Variants in SUCLG2 observed in about 807,000 individuals in gnomAD.
SUCLG2 encodes the protein succinate-CoA ligase GDP-forming subunit beta.
SUCLG2 carries 42 observed loss-of-function variants against 47.9 expected under a neutral mutation model. The ratio of observed to expected loss-of-function variants is 0.88; its 90% CI spans 0.69 to 1.14. The LOEUF (loss-of-function observed/expected upper bound fraction) is 1.14. Among genes scored for constraint, SUCLG2 ranks in the 50% most tolerant of loss-of-function variants. The pLI, the probability that SUCLG2 is intolerant of heterozygous loss-of-function variation, is 0.00. For synonymous variants in SUCLG2, 195 were observed against 197.3 expected (o/e 0.99, Z 0.10); for missense variants, 571 against 525.9 (o/e 1.09, Z -0.84).
At chr3:67,436,501 A>T (rs1468377565) in intron 9 of SUCLG2, among the ~76,000 whole-genome samples, 2 of 152,216 alleles carry the variant, frequency 1.3e-5, no homozygotes, top group African/African-American at 4.8e-5. Flanking sequence ...TAGCCAAACA[A>T]GACCAACGAT....
Position 67,538,429 on chromosome 3 carries a change from C to T in SUCLG2, c.227-9243G>A, listed in dbSNP as rs767610768. ...CTCTGTTGGTCTATATCTCTGTTTT[C>T]GTACCAGTACCATGCTGTTTTGGTT... On this transcript the variant is annotated intron_variant, in intron 2 of 10. Transcript: ENST00000307227. 4.1e-4 allele frequency among the ~76,000 whole-genome samples: 63 copies of T among 152,026 alleles called. 1 individual carries two copies. Among genetic ancestry groups the T allele is most frequent in the Admixed American group, 1.4e-3 (22 of 15,248 alleles).
chr3:67,381,258 TGAAAAA>T (rs1702153187), intron 10 of SUCLG2, among the ~76,000 whole-genome samples: 1 of 151,948 alleles, frequency 6.6e-6, no homozygotes, highest in Admixed American at 6.6e-5. Context: ...AACAGGTTAT[TGAAAAA>T]GAAAAGGAAG....
chr3:67,411,045 T>C (rs779557815), intron 9 of SUCLG2, among the ~76,000 whole-genome samples: 1 of 152,194 alleles, frequency 6.6e-6, no homozygotes, highest in Non-Finnish European at 1.5e-5. Flanking sequence ...AGAGTTAATA[T>C]AGAGAACACC....
intron 1 of SUCLG2, among the ~76,000 whole-genome samples, chr3:67,648,952 T>A (rs1413568976): frequency 2.0e-5 from 3 of 152,152 alleles, no homozygotes; most frequent in Non-Finnish European, 4.4e-5. Context: ...CTTACATTCT[T>A]AAACTTGTAG....
At chr3:67,441,987 A>T (rs1703775906) in intron 9 of SUCLG2, among the ~76,000 whole-genome samples, 1 of 151,588 alleles carries the variant, frequency 6.6e-6, no homozygotes, top group African/African-American at 2.4e-5. Flanking sequence ...GGTTGATTTC[A>T]TCAATCTGGC....
At chr3:67,425,576 G>A (rs761236136) in intron 9 of SUCLG2, among the ~76,000 whole-genome samples, 30 of 152,074 alleles carry the variant, frequency 2.0e-4, no homozygotes, top group Non-Finnish European at 4.4e-5. Context: ...ATTTAGCTGG[G>A]GCATCTTCCT....
chr3:67,421,320 C>G (rs1225230055), intron 9 of SUCLG2, among the ~76,000 whole-genome samples: 1 of 152,142 alleles, frequency 6.6e-6, no homozygotes, highest in African/African-American at 2.4e-5. Context: ...TAACATGACC[C>G]TAGACACACG....
intron 10 of SUCLG2, among the ~76,000 whole-genome samples, chr3:67,385,062 T>G (rs1303778064): frequency 6.6e-6 from 1 of 152,208 alleles, no homozygotes; most frequent in Non-Finnish European, 1.5e-5. Context: ...GATAGCAATG[T>G]GCTCGCTCGC....
intron 9 of SUCLG2, among the ~76,000 whole-genome samples, chr3:67,491,152 T>A (rs1380770362): frequency 6.7e-6 from 1 of 150,276 alleles, no homozygotes; most frequent in East Asian, 2.0e-4. Flanking sequence ...TAAACCCATC[T>A]CTACTAAAAA....
At chr3:67,509,605 G>A (rs938864253) in intron 6 of SUCLG2, among the ~76,000 whole-genome samples, 1 of 152,172 alleles carries the variant, frequency 6.6e-6, no homozygotes, top group African/African-American at 2.4e-5. Context: ...GACACAGCAA[G>A]CTGGTATCTT....
chr3:67,629,020 T>C (rs1311176659), intron 1 of SUCLG2, among the ~76,000 whole-genome samples: 2 of 152,212 alleles, frequency 1.3e-5, no homozygotes, highest in Non-Finnish European at 2.9e-5. Context: ...GGATTCAGCA[T>C]GCCTTCACAT....
chr3:67,540,333 T>A (rs528330151), intron 2 of SUCLG2, among the ~76,000 whole-genome samples: 19 of 152,098 alleles, frequency 1.2e-4, no homozygotes, highest in African/African-American at 4.6e-4. Flanking sequence ...CACATCAGTC[T>A]GAAGTCCACC....
At chr3:67,396,944 C>T (rs1702544776) in intron 10 of SUCLG2, among the ~76,000 whole-genome samples, 1 of 151,920 alleles carries the variant, frequency 6.6e-6, no homozygotes, top group South Asian at 2.1e-4. Context: ...TCAATAGATG[C>T]AGAAAAGGCC....
intron 2 of SUCLG2, among the ~76,000 whole-genome samples, chr3:67,557,019 C>A (rs901491638): frequency 6.6e-6 from 1 of 152,172 alleles, no homozygotes; most frequent in Non-Finnish European, 1.5e-5. Flanking sequence ...TGCCTTTCTA[C>A]CATGCACAAG....
chr3:67,417,019 AAG>A (rs1360037353), intron 9 of SUCLG2, among the ~76,000 whole-genome samples: 1 of 152,204 alleles, frequency 6.6e-6, no homozygotes, highest in Non-Finnish European at 1.5e-5. Flanking sequence ...GAAGAAAAAA[AAG>A]ATGAAGAAAG....
intron 1 of SUCLG2, among the ~76,000 whole-genome samples, chr3:67,639,238 T>C (rs1288719548): frequency 2.6e-5 from 4 of 152,230 alleles, no homozygotes; most frequent in Non-Finnish European, 4.4e-5. Context: ...CTATTACTTA[T>C]GGAGGGGCTC....
At chr3:67,646,256 CA>C (rs1167206425) in intron 1 of SUCLG2, among the ~76,000 whole-genome samples, 1 of 152,094 alleles carries the variant, frequency 6.6e-6, no homozygotes, top group African/African-American at 2.4e-5. Context: ...CAGCCACAGA[CA>C]ATAAGATGGG....
intron 1 of SUCLG2, among the ~76,000 whole-genome samples, chr3:67,620,601 A>AAAAAAAAAAC (rs1700719361): frequency 6.6e-6 from 1 of 150,456 alleles, no homozygotes; most frequent in Non-Finnish European, 1.5e-5. Context: ...AAAAAAAAAA[A>AAAAAAAAAAC]AAGAAAGAAA....
At chr3:67,422,597 G>T (rs1559520352) in intron 9 of SUCLG2, among the ~76,000 whole-genome samples, 1 of 150,220 alleles carries the variant, frequency 6.7e-6, no homozygotes, top group Non-Finnish European at 1.5e-5. Context: ...GAAAGTCATA[G>T]TCTTTGCCTT....
Sources: allele counts gnomAD v4.1 joint callset (sites outside exome capture counted in the v4.1 genomes callset), GRCh38; gene constraint gnomAD v4.1.1; transcripts MANE v1.5; gene names NCBI Gene and HGNC (gene_info 2026-07-23, HGNC 2026-07-21).